The following SPOCK1 variants were observed in gnomAD, a reference collection of about 807,000 sequenced individuals.
SPOCK1 encodes the protein SPARC (osteonectin), cwcv and kazal like domains proteoglycan 1.
In SPOCK1, 23 loss-of-function variants were observed where a neutral mutation model predicts 55.3. The observed-to-expected ratio is 0.42, with a 90% CI of 0.30 to 0.59. The LOEUF (loss-of-function observed/expected upper bound fraction) is 0.59, where lower values mean the gene tolerates loss of function less well. Among genes scored for constraint, SPOCK1 ranks in the 20% least tolerant of loss-of-function variants. SPOCK1 has a pLI of 0.22. For synonymous variants in SPOCK1, 226 were observed against 221.0 expected (o/e 1.02, Z -0.20); for missense variants, 499 against 552.5 (o/e 0.90, Z 0.97).
At chr5:137,225,879 A>G (rs1406280935) in intron 3 of SPOCK1, among the ~76,000 whole-genome samples, 1 of 152,242 alleles carries the variant, frequency 6.6e-6, no homozygotes, top group Non-Finnish European at 1.5e-5. Context: ...TTTTGTGAGA[A>G]GCTCAGAACC....
At chr5:137,172,690 C>A (rs1347544078) in intron 3 of SPOCK1, among the ~76,000 whole-genome samples, 2 of 152,166 alleles carry the variant, frequency 1.3e-5, no homozygotes, top group African/African-American at 4.8e-5. Context: ...TAACTACACA[C>A]TCCCAATGTC....
At chr5:137,185,566 T>C (rs1705779637) in intron 3 of SPOCK1, among the ~76,000 whole-genome samples, 1 of 152,250 alleles carries the variant, frequency 6.6e-6, no homozygotes, top group African/African-American at 2.4e-5. Context: ...GACAGCTTTG[T>C]AGCCATCACT....
chr5:137,332,729 T>C (rs567219294), intron 2 of SPOCK1, among the ~76,000 whole-genome samples: 1 of 152,320 alleles, frequency 6.6e-6, no homozygotes, highest in Admixed American at 6.5e-5. Context: ...TGTGTGTAGA[T>C]ACTACACTTG....
At chr5:137,474,354 T>C (rs1210433459) in intron 2 of SPOCK1, among the ~76,000 whole-genome samples, 1 of 152,214 alleles carries the variant, frequency 6.6e-6, no homozygotes, top group Admixed American at 6.5e-5. Context: ...TGATATTATT[T>C]GGAATTAGGT....
chr5:137,243,542 A>C (rs1035896087), intron 3 of SPOCK1, among the ~76,000 whole-genome samples: 5 of 152,220 alleles, frequency 3.3e-5, no homozygotes, highest in Admixed American at 6.5e-5. Context: ...AGATAATGGA[A>C]GACTTATTCA....
intron 7 of SPOCK1, among the ~76,000 whole-genome samples, chr5:136,990,231 G>A (rs551263067): frequency 1.3e-5 from 2 of 152,144 alleles, no homozygotes; most frequent in South Asian, 4.2e-4. Context: ...CTTTAAAGCA[G>A]CATCTTTGCA....
chr5:137,049,026 G>A lies in SPOCK1; in HGVS notation c.589+18689C>T, dbSNP rs879854812. Among the ~76,000 whole-genome samples the A allele has an allele frequency of 3.2e-3, 452 of 139,726 alleles. 19 individuals carry two copies. The highest frequency in any genetic ancestry group is 0.029 in the Admixed American group (395 of 13,602). 91.7% of individuals were successfully genotyped at this position (139,726 alleles called of 152,430 possible). ...GAGAGATCCGCTGTTAGTCTGATGG[G>A]CTTTCCTTTGAGGGTAACCCGACCT... On this transcript the variant is annotated intron_variant, in intron 6 of 10. Coordinates refer to ENST00000394945, the MANE Select transcript of SPOCK1 (RefSeq NM_004598.4).
chr5:137,388,524 G>A (rs1379315815), intron 2 of SPOCK1, among the ~76,000 whole-genome samples: 1 of 152,106 alleles, frequency 6.6e-6, no homozygotes, highest in Non-Finnish European at 1.5e-5. Flanking sequence ...GGTCTATGAT[G>A]ACCCGTACCA....
intron 4 of SPOCK1, among the ~76,000 whole-genome samples, chr5:137,119,248 A>G (rs1236331519): frequency 6.6e-6 from 1 of 152,264 alleles, no homozygotes; most frequent in Non-Finnish European, 1.5e-5. Flanking sequence ...TCGCCTATTC[A>G]AAAATAATGA....
At chr5:137,436,695 T>C (rs1580926486) in intron 2 of SPOCK1, among the ~76,000 whole-genome samples, 1 of 152,220 alleles carries the variant, frequency 6.6e-6, no homozygotes, top group African/African-American at 2.4e-5. Flanking sequence ...TACATTACTT[T>C]GGAAAGAACT....
chr5:137,129,526 G>A (rs189657657), intron 4 of SPOCK1, among the ~76,000 whole-genome samples: 6 of 152,282 alleles, frequency 3.9e-5, no homozygotes, highest in Non-Finnish European at 8.8e-5. Context: ...GGGGCCTAAG[G>A]AATGGGTGCC....
Position 137,191,204 on chromosome 5 carries a change from T to C in SPOCK1, c.233-50510A>G, listed in dbSNP as rs78257132. ...AAGTTACTTAACCTCTCTGAGTGTT[T>C]CCTCTTCTGAAAAATGAGAAACATA... On this transcript the variant is annotated intron_variant, in intron 3 of 10. Coordinates refer to ENST00000394945, the MANE Select transcript of SPOCK1 (RefSeq NM_004598.4). Among the ~76,000 whole-genome samples the C allele has an allele frequency of 5.7e-3, 865 of 152,364 alleles. 3 individuals are homozygous for C. The highest frequency in any genetic ancestry group is 0.017 in the African/African-American group (689 of 41,588).
chr5:137,440,015 G>A (rs560912170), intron 2 of SPOCK1, among the ~76,000 whole-genome samples: 8 of 152,158 alleles, frequency 5.3e-5, no homozygotes, highest in African/African-American at 1.7e-4. Context: ...AGCCTTTCAC[G>A]GGAAAATGGA....
chr5:137,234,974 C>T lies in SPOCK1; in HGVS notation c.232+32036G>A, dbSNP rs144891851. 2.0e-4 allele frequency among the ~76,000 whole-genome samples: 30 copies of T among 152,288 alleles called. No homozygotes were observed. In the East Asian group the frequency reaches 5.0e-3, roughly 25 times the overall value. On this transcript the variant is annotated intron_variant, in intron 3 of 10. Coordinates refer to ENST00000394945, the MANE Select transcript of SPOCK1 (RefSeq NM_004598.4). Reference sequence around the variant, plus strand: ...CTAAATATTGCTGACCTGGAAGTGCCTCACTGAGCACATATTATTTCATCT... The same window carrying T: ...CTAAATATTGCTGACCTGGAAGTGCTTCACTGAGCACATATTATTTCATCT...
intron 2 of SPOCK1, among the ~76,000 whole-genome samples, chr5:137,288,661 G>T (rs1479784633): frequency 6.6e-6 from 1 of 152,156 alleles, no homozygotes; most frequent in African/African-American, 2.4e-5. Flanking sequence ...ACATTTAGAT[G>T]GAAAATCTGG....
chr5:137,146,652 C>T (rs1402020371), intron 3 of SPOCK1, among the ~76,000 whole-genome samples: 1 of 152,200 alleles, frequency 6.6e-6, no homozygotes, highest in East Asian at 1.9e-4. Flanking sequence ...ATCTTGCCTC[C>T]CTTGTCTCCA....
At chr5:137,357,392 G>T (rs763849498) in intron 2 of SPOCK1, among the ~76,000 whole-genome samples, 12 of 152,316 alleles carry the variant, frequency 7.9e-5, no homozygotes, top group Admixed American at 1.3e-4. Context: ...AATTAGCCCT[G>T]ATGCACACTT....
At chr5:137,204,801 C>A (rs1032640368) in intron 3 of SPOCK1, among the ~76,000 whole-genome samples, 7 of 152,152 alleles carry the variant, frequency 4.6e-5, no homozygotes, top group African/African-American at 1.4e-4. Flanking sequence ...CTCCACTGAC[C>A]CCTGCAATCT....
intron 3 of SPOCK1, among the ~76,000 whole-genome samples, chr5:137,193,052 G>C (rs558309905): frequency 6.6e-6 from 1 of 152,298 alleles, no homozygotes; most frequent in East Asian, 1.9e-4. Context: ...ATTAATGCTG[G>C]TAGGTAGATA....
Sources: gnomAD v4.1 joint callset for allele counts (sites outside exome capture counted in the v4.1 genomes callset) on GRCh38, gnomAD v4.1.1 for gene constraint, MANE v1.5 for transcripts, NCBI Gene and HGNC (gene_info 2026-07-23, HGNC 2026-07-21) for gene names.